DBNL: variants seen among roughly 807,000 people sequenced by gnomAD.
The protein encoded by DBNL is drebrin-like protein.
In DBNL, 35 loss-of-function variants were observed where a neutral mutation model predicts 62.2. The ratio of observed to expected loss-of-function variants is 0.56; its 90% CI spans 0.43 to 0.75. DBNL has a LOEUF of 0.75. Ranked by LOEUF, DBNL falls within the 30% of genes least tolerant of loss-of-function variation. DBNL has a pLI of 0.00. For synonymous variants in DBNL, 197 were observed against 218.0 expected (o/e 0.90, Z 0.85); for missense variants, 495 against 578.4 (o/e 0.86, Z 1.48).
At chr7:44,044,941 G>A (rs1394368845) in intron 1 of DBNL, 121 bp downstream of exon 1, 1 of 987,840 alleles carries the variant, frequency 1.0e-6, no homozygotes, top group Non-Finnish European at 1.4e-6. Context: ...CAGGCAGGTG[G>A]CCTGGGGCTT....
rs535071398 is a variant in DBNL, at chr7:44,059,727, C to G, written c.1047+69C>G. ...CTCAGGAACACTTATCACGGGCCGC[C>G]TGAGTTTTCTGGGGGCATGCAACAG... On this transcript the variant is annotated intron_variant, in intron 11 of 12. Coordinates refer to ENST00000448521, the MANE Select transcript of DBNL (RefSeq NM_001014436.3). The surrounding 1 kb of genome is among the most constrained non-coding windows in gnomAD (Gnocchi z 4.1). The G allele has an allele frequency of 7.0e-7, 1 of 1,420,966 alleles. No individual in the cohort carries two copies. The highest frequency in any genetic ancestry group is 1.4e-5 in the African/African-American group (1 of 70,166). The allele number at this position is 1,420,966 out of a possible 1,614,324, so 88.0% of individuals were successfully genotyped here.
chr7:44,059,042 G>T lies in DBNL; in HGVS notation c.835+59G>T. On this transcript the variant is annotated intron_variant, in intron 9 of 12. Transcript: ENST00000448521. The surrounding 1 kb of genome is among the most constrained non-coding windows in gnomAD (Gnocchi z 4.1). ...GCAGCAGGCTGAGGGGGAGCCTGGG[G>T]TCCTATGTGGGCTCCCCCAAGGCTA... The T allele has an allele frequency of 1.3e-6, 2 of 1,574,308 alleles. No homozygotes were observed. The highest frequency in any genetic ancestry group is 1.7e-6 in the Non-Finnish European group (2 of 1,146,558).
intron 4 of DBNL, among the ~76,000 whole-genome samples, chr7:44,053,826 G>A (rs1053860900): frequency 6.6e-5 from 10 of 152,056 alleles, no homozygotes; most frequent in East Asian, 5.8e-4. Flanking sequence ...GCAGGCACCC[G>A]CCACCACGCC....
At position 44,065,055 on chromosome 7, in the gene DBNL, GC is replaced by G; in HGVS notation, c.*4144del. 1.2e-6 allele frequency: 2 copies of G among 1,609,530 alleles called. No individual in the cohort carries two copies. On this transcript the variant is annotated 3_prime_UTR_variant, in exon 13 of 13. Transcript: ENST00000448521. ...GCTGCTTTCCCTCCCAAGCCAGTGG[GC>G]CCCCACCCGACTCCCCACTCTGCAG...
chr7:44,052,168 C>G (rs962150999), intron 3 of DBNL, among the ~76,000 whole-genome samples: 2 of 152,150 alleles, frequency 1.3e-5, no homozygotes, highest in African/African-American at 4.8e-5. Context: ...AGAGTTCTTC[C>G]TGCAAAATGG....
intron 1 of DBNL, among the ~76,000 whole-genome samples, chr7:44,049,011 C>A (rs575520626): frequency 3.9e-5 from 6 of 152,064 alleles, no homozygotes; most frequent in African/African-American, 1.4e-4. Flanking sequence ...TATGCCACCA[C>A]GCCTGGCTGA....
At chr7:44,048,601 C>A (rs919556631) in intron 1 of DBNL, among the ~76,000 whole-genome samples, 3 of 152,200 alleles carry the variant, frequency 2.0e-5, no homozygotes, top group African/African-American at 7.2e-5. Context: ...TGGCAAAGCC[C>A]TGGGGAAGCC....
At chr7:44,054,576 C>A (rs547084556) in intron 4 of DBNL, among the ~76,000 whole-genome samples, 11 of 152,220 alleles carry the variant, frequency 7.2e-5, no homozygotes, top group African/African-American at 2.6e-4. Flanking sequence ...ACAATGTATA[C>A]GATGAATCAG....
rs1191841417 is a variant in DBNL at position 44,062,166 on chromosome 7, C to G, written c.*1250C>G. The G allele has an allele frequency of 6.1e-6, 1 of 164,778 alleles. No individual in the cohort carries two copies. Among genetic ancestry groups the G allele is most frequent in the Non-Finnish European group, 1.3e-5 (1 of 74,106 alleles). The allele number at this position is 164,778 out of a possible 1,614,324, so 10.2% of individuals were successfully genotyped here. On this transcript the variant is annotated 3_prime_UTR_variant, in exon 13 of 13. Transcript: ENST00000448521. ...CATGGAGCCCAACCTTGCTCCTGGC[C>G]TTCCTGTGCTCAGGCCTCTCCCCTT...
At chr7:44,052,038 C>T (rs1267969378) in intron 3 of DBNL, 96 bp downstream of exon 3, 10 of 1,038,784 alleles carry the variant, frequency 9.6e-6, no homozygotes, top group Non-Finnish European at 1.0e-5. Context: ...GTTTTACTGG[C>T]ATGACTTAGT....
At chr7:44,053,469 A>G (rs901967737) in intron 4 of DBNL, among the ~76,000 whole-genome samples, 1 of 152,226 alleles carries the variant, frequency 6.6e-6, no homozygotes, top group Non-Finnish European at 1.5e-5. Context: ...AAGGAGACTC[A>G]GAATTTTGAT....
chr7:44,053,767 C>T (rs71548220), intron 4 of DBNL, among the ~76,000 whole-genome samples: 1 of 151,754 alleles, frequency 6.6e-6, no homozygotes, highest in Non-Finnish European at 1.5e-5. Flanking sequence ...AGCTCCGCCT[C>T]CCGGGTTCAC....
At chr7:44,056,610 G>GT in intron 4 of DBNL, 147 bp from the exon 5 acceptor site, 1 of 1,196,320 alleles carries the variant, frequency 8.4e-7, no homozygotes, top group Non-Finnish European at 1.1e-6. Flanking sequence ...TCGTGCCTCA[G>GT]TTTTCAGCAG....
At position 44,065,286 on chromosome 7, in the gene DBNL, C is replaced by T. The variant is rs528467394; in HGVS notation, c.*4370C>T. 7.4e-6 allele frequency: 12 copies of T among 1,613,560 alleles called. No individual in the cohort carries two copies. The East Asian group carries it at 2.2e-4, about 30-fold the overall frequency. ...CGCTCATTGAGGCGCCAAGTGCGCA[C>T]CACAGGCAGCCACATCTGGTCCGTG... On this transcript the variant is annotated 3_prime_UTR_variant, in exon 13 of 13. Coordinates refer to ENST00000448521, the MANE Select transcript of DBNL (RefSeq NM_001014436.3).
Position 44,064,796 on chromosome 7 carries a change from C to CCCCCCCCA in DBNL, c.*3880_*3881insCCCCCCCA. ...TGAGAAGCCAGCTGGGGCTGCTGCC[C>CCCCCCCCA]ACCCACCCTGCCCAGGCTCCTGAAG... On this transcript the variant is annotated 3_prime_UTR_variant, in exon 13 of 13. Transcript: ENST00000448521. The CCCCCCCCA allele has an allele frequency of 8.6e-7, 1 of 1,158,932 alleles. No homozygotes were observed. Among genetic ancestry groups the CCCCCCCCA allele is most frequent in the Non-Finnish European group, 1.3e-6 (1 of 790,590 alleles). The allele number at this position is 1,158,932 out of a possible 1,614,324, so 71.8% of individuals were successfully genotyped here.
At chr7:44,046,689 C>A (rs2096117881) in intron 1 of DBNL, among the ~76,000 whole-genome samples, 1 of 152,216 alleles carries the variant, frequency 6.6e-6, no homozygotes, top group South Asian at 2.1e-4. Flanking sequence ...GACCTCCACC[C>A]TCATCGTCAC....
Position 44,065,545 on chromosome 7 carries a change from C to T in DBNL, c.*4629C>T, listed in dbSNP as rs2096158409. ...GAGTGGCCATGGTGGCAGCAGGGAC[C>T]ACAGAGGACTCTGGACGGGGACGGC... On this transcript the variant is annotated 3_prime_UTR_variant, in exon 13 of 13. Coordinates refer to ENST00000448521, the MANE Select transcript of DBNL (RefSeq NM_001014436.3). The T allele has an allele frequency of 6.2e-7, 1 of 1,613,082 alleles. No homozygotes were observed. The highest frequency in any genetic ancestry group is 8.5e-7 in the Non-Finnish European group (1 of 1,179,544).
intron 2 of DBNL, chr7:44,051,265 G>C (rs1455707728): frequency 6.5e-6 from 1 of 153,730 alleles, no homozygotes; most frequent in East Asian, 1.9e-4. Context: ...GTTTAGAGCT[G>C]CCCACTCCTG....
At chr7:44,052,762 T>G in intron 3 of DBNL, 105 bp from the exon 4 acceptor site, 1 of 1,324,848 alleles carries the variant, frequency 7.5e-7, no homozygotes, top group Admixed American at 2.0e-5. Context: ...GCTTTGGGGG[T>G]TGCAGTTTTC....
Sources: gnomAD v4.1 joint callset for allele counts (sites outside exome capture counted in the v4.1 genomes callset) on GRCh38, gnomAD v4.1.1 for gene constraint, Gnocchi (gnomAD v3.1) non-coding constraint, MANE v1.5 for transcripts, NCBI Gene and HGNC (gene_info 2026-07-23, HGNC 2026-07-21) for gene names.